Variants in ST8SIA2 observed in about 807,000 individuals in gnomAD.
The protein encoded by ST8SIA2 is ST8 alpha-N-acetyl-neuraminide alpha-2,8-sialyltransferase 2.
In ST8SIA2, 22 loss-of-function variants were observed where a neutral mutation model predicts 37.6. That is an observed-to-expected ratio of 0.58 (90% CI 0.42 to 0.83). The LOEUF is 0.83. Among genes scored for constraint, ST8SIA2 ranks in the 40% least tolerant of loss-of-function variants. The pLI, the probability that ST8SIA2 is intolerant of heterozygous loss-of-function variation, is 0.00. For missense variants in ST8SIA2, 382 were observed against 484.7 expected (o/e 0.79, Z 1.99); for synonymous variants, 205 against 201.2 (o/e 1.02, Z -0.16).
At chr15:92,414,741 T>C (rs545906998) in intron 1 of ST8SIA2, among the ~76,000 whole-genome samples, 56 of 152,318 alleles carry the variant, frequency 3.7e-4, no homozygotes, top group African/African-American at 1.3e-3. Context: ...AGTCACCTGA[T>C]TCTAGCATCA....
chr15:92,402,790 C>T (rs1250957303), intron 1 of ST8SIA2, among the ~76,000 whole-genome samples: 2 of 152,170 alleles, frequency 1.3e-5, no homozygotes, highest in Admixed American at 6.5e-5. Flanking sequence ...CCAGCTTCCC[C>T]GCACGGAGTC....
At chr15:92,452,778 A>C (rs540754371) in intron 5 of ST8SIA2, among the ~76,000 whole-genome samples, 1 of 152,288 alleles carries the variant, frequency 6.6e-6, no homozygotes, top group Non-Finnish European at 1.5e-5. Context: ...ACAAATGTTG[A>C]CTTCTCAGAA....
intron 5 of ST8SIA2, chr15:92,445,176 A>C: frequency 3.4e-6 from 2 of 591,212 alleles, no homozygotes; most frequent in South Asian, 1.9e-5. Flanking sequence ...TGAGTTGAGA[A>C]TGATCTTGGG....
At chr15:92,431,240 G>A (rs1223536902) in intron 2 of ST8SIA2, among the ~76,000 whole-genome samples, 1 of 152,174 alleles carries the variant, frequency 6.6e-6, no homozygotes, top group African/African-American at 2.4e-5. Flanking sequence ...GTAGCTTGAG[G>A]GGCCACAGTC....
intron 5 of ST8SIA2, among the ~76,000 whole-genome samples, chr15:92,459,563 G>A (rs542876055): frequency 1.3e-5 from 2 of 152,280 alleles, no homozygotes; most frequent in Admixed American, 1.3e-4. Context: ...ACACAGACAT[G>A]GCCTGTGGGA....
chr15:92,438,175 C>A (rs891024365), intron 3 of ST8SIA2, among the ~76,000 whole-genome samples, 178 bp from the exon 4 acceptor site: 1 of 152,212 alleles, frequency 6.6e-6, no homozygotes, highest in Admixed American at 6.5e-5. Flanking sequence ...TGCTTCTGGG[C>A]CACTTCTGGC....
At chr15:92,423,834 G>C (rs2049654807) in intron 1 of ST8SIA2, among the ~76,000 whole-genome samples, 1 of 152,226 alleles carries the variant, frequency 6.6e-6, no homozygotes, top group Admixed American at 6.5e-5. Context: ...AAGCATAGCA[G>C]ATGGTAAATT....
intron 1 of ST8SIA2, among the ~76,000 whole-genome samples, chr15:92,412,900 C>T (rs775625077): frequency 2.2e-4 from 34 of 152,302 alleles, no homozygotes; most frequent in East Asian, 1.9e-4. Flanking sequence ...TCAAGTGATT[C>T]GCCCACCTCG....
At chr15:92,427,089 C>A (rs1434139851) in intron 1 of ST8SIA2, among the ~76,000 whole-genome samples, 1 of 152,110 alleles carries the variant, frequency 6.6e-6, no homozygotes, top group Non-Finnish European at 1.5e-5. Flanking sequence ...GAGCGAGACT[C>A]CATCTCAAAG....
chr15:92,434,317 A>T lies in ST8SIA2; in HGVS notation c.232A>T (p.Asn78Tyr), dbSNP rs2049739239. Residue 78 changes from asparagine to tyrosine, a missense_variant, in exon 3 of 6, where the codon AAC (asparagine) becomes TAC (tyrosine). Coordinates refer to ENST00000268164, the MANE Select transcript of ST8SIA2 (RefSeq NM_006011.4). ...CAGAAGTAATGAAAGCATCAAGCAC[A>T]ACATCCAGCCAGCCTCGTCCAAATG... Reference protein sequence around the residue: ...VDRSNESIKHNIQPASSKWRH... With the variant: ...VDRSNESIKHYIQPASSKWRH... The T allele has an allele frequency of 2.5e-6, 4 of 1,614,196 alleles. No individual in the cohort carries two copies. Among genetic ancestry groups the T allele is most frequent in the Non-Finnish European group, 1.7e-6 (2 of 1,180,040 alleles).
At chr15:92,404,910 C>T (rs1453585762) in intron 1 of ST8SIA2, among the ~76,000 whole-genome samples, 4 of 151,616 alleles carry the variant, frequency 2.6e-5, no homozygotes, top group African/African-American at 4.8e-5. Flanking sequence ...ACCTTATTCA[C>T]GGTAGCTAAA....
chr15:92,447,683 T>A lies in ST8SIA2; in HGVS notation c.842+2754T>A, dbSNP rs538656617. On this transcript the variant is annotated intron_variant, in intron 5 of 5. Transcript: ENST00000268164. ...CCAACACTGGTCTCATTAAGATGGG[T>A]ATCAACAGGGAAAACCCATTGCCCC... Among the ~76,000 whole-genome samples the A allele has an allele frequency of 1.1e-3, 169 of 152,244 alleles. 1 individual carries two copies. Among genetic ancestry groups the A allele is most frequent in the Non-Finnish European group, 1.9e-3 (130 of 68,008 alleles).
At chr15:92,425,385 G>A (rs1227390318) in intron 1 of ST8SIA2, among the ~76,000 whole-genome samples, 2 of 152,294 alleles carry the variant, frequency 1.3e-5, no homozygotes, top group African/African-American at 4.8e-5. Context: ...CTGCAGGGAC[G>A]ACTTCAGAAG....
At chr15:92,403,732 C>T (rs994059009) in intron 1 of ST8SIA2, among the ~76,000 whole-genome samples, 1 of 152,188 alleles carries the variant, frequency 6.6e-6, no homozygotes, top group African/African-American at 2.4e-5. Context: ...CTTTAGTTTG[C>T]TATTTTCCTA....
At chr15:92,435,879 C>T (rs146634540) in intron 3 of ST8SIA2, among the ~76,000 whole-genome samples, 2,115 of 152,208 alleles carry the variant, frequency 0.014, 36 homozygotes, top group Middle Eastern at 0.031. Context: ...ACCAACAACG[C>T]GGCGGCGGCC....
chr15:92,441,393 T>C (rs1174587232), intron 4 of ST8SIA2, among the ~76,000 whole-genome samples: 1 of 152,098 alleles, frequency 6.6e-6, no homozygotes, highest in Non-Finnish European at 1.5e-5. Flanking sequence ...GATGCATGGA[T>C]CCGGCAGGGC....
intron 1 of ST8SIA2, among the ~76,000 whole-genome samples, chr15:92,396,730 C>T (rs2049434850): frequency 6.6e-6 from 1 of 152,144 alleles, no homozygotes. Context: ...CTCAGGGGAT[C>T]TGCCCACCTC....
chr15:92,420,265 G>A (rs973564590), intron 1 of ST8SIA2, among the ~76,000 whole-genome samples: 10 of 152,290 alleles, frequency 6.6e-5, no homozygotes, highest in Admixed American at 3.9e-4. Context: ...ATCCTTTCTG[G>A]TTGGCGTTTC....
In ST8SIA2 at chr15:92,438,515, T is replaced by G; in HGVS notation, c.453T>G (p.Asn151Lys). 6.2e-7 allele frequency: 1 copy of G among 1,614,158 alleles called. No individual in the cohort carries two copies. The highest frequency in any genetic ancestry group is 8.5e-7 in the Non-Finnish European group (1 of 1,180,024). ...ELLPRTSPLK[N>K]KHFGTCAIVG... Reference sequence around the variant, plus strand: ...TCCCCAGGACTTCGCCACTGAAGAATAAGCACTTTGGGACTTGTGCCATCG... The same window carrying G: ...TCCCCAGGACTTCGCCACTGAAGAAGAAGCACTTTGGGACTTGTGCCATCG... The change falls in exon 4 of 6, where the codon AAT (asparagine) becomes AAG (lysine). Residue 151 changes from asparagine to lysine, a missense_variant. Physicochemically the swap from Asn to Lys is moderately conservative, Grantham distance 94. Transcript: ENST00000268164.
Sources: gnomAD v4.1 joint callset for allele counts (sites outside exome capture counted in the v4.1 genomes callset) on GRCh38, gnomAD v4.1.1 for gene constraint, MANE v1.5 for transcripts, NCBI Gene and HGNC (gene_info 2026-07-23, HGNC 2026-07-21) for gene names.